KIF14: variants seen among roughly 807,000 people sequenced by gnomAD.
KIF14 encodes the protein kinesin family member 14, also known as kinesin-like protein KIF14.
In KIF14, 98 loss-of-function variants were observed where a neutral mutation model predicts 176.2. The observed-to-expected ratio is 0.56, with a 90% CI of 0.47 to 0.66. The LOEUF is 0.66. Among genes scored for constraint, KIF14 ranks in the 30% least tolerant of loss-of-function variants. KIF14 has a pLI of 0.00. For synonymous variants in KIF14, 566 were observed against 632.2 expected (o/e 0.90, Z 1.57); for missense variants, 1,751 against 1,920.4 (o/e 0.91, Z 1.65).
intron 2 of KIF14, among the ~76,000 whole-genome samples, chr1:200,616,242 A>C (rs1349469658): frequency 6.6e-6 from 1 of 152,028 alleles, no homozygotes; most frequent in Non-Finnish European, 1.5e-5. Context: ...TCCATCCCTG[A>C]CTCTGAGACT....
At chr1:200,578,896 C>T (rs551477619) in intron 21 of KIF14, among the ~76,000 whole-genome samples, 229 of 151,542 alleles carry the variant, frequency 1.5e-3, no homozygotes, top group African/African-American at 5.4e-3. Flanking sequence ...TCGAGACCAT[C>T]CTGGCTAACA....
chr1:200,609,087 T>TGCC (rs1211372445), intron 4 of KIF14, among the ~76,000 whole-genome samples, 159 bp from the exon 5 acceptor site: 1 of 152,148 alleles, frequency 6.6e-6, no homozygotes, highest in African/African-American at 2.4e-5. Context: ...ACAAAGGACT[T>TGCC]GAATAGACAT....
chr1:200,581,815 A>ATATAT (rs1291672371), intron 19 of KIF14, among the ~76,000 whole-genome samples: 2 of 120,586 alleles, frequency 1.7e-5, no homozygotes, highest in Non-Finnish European at 3.2e-5. Flanking sequence ...TGCCTAGGCT[A>ATATAT]TATAGTACAG....
intron 25 of KIF14, 25 bp downstream of exon 25, chr1:200,565,044 A>C: frequency 6.4e-7 from 1 of 1,558,116 alleles, no homozygotes; most frequent in South Asian, 1.1e-5. Flanking sequence ...GAATCCTTCA[A>C]ATGATAATAA....
chr1:200,607,624 C>CA (rs1286732138), intron 5 of KIF14, among the ~76,000 whole-genome samples: 1 of 152,062 alleles, frequency 6.6e-6, no homozygotes, highest in African/African-American at 2.4e-5. Context: ...ATCATAGAAG[C>CA]AAATGTCAAG....
intron 20 of KIF14, among the ~76,000 whole-genome samples, chr1:200,580,931 A>C (rs1658405450): frequency 6.6e-6 from 1 of 152,008 alleles, no homozygotes; most frequent in Non-Finnish European, 1.5e-5. Context: ...CAACGTGGTG[A>C]AACCCCATCT....
chr1:200,605,893 T>C lies in KIF14; in HGVS notation c.1609A>G (p.Asn537Asp). ...YGPYVEALSM[N>D]IVSSYADIQS... ...ATATCAGCGTAAGAACTGACAATGT[T>C]CCTATTTTTAAGAAGTGAAAAGACA... The change falls in exon 7 of 30, where the codon AAC (asparagine) becomes GAC (aspartate). Residue 537 changes from asparagine (N) to aspartate (D), a missense_variant and splice_region_variant. Transcript: ENST00000367350. 1 of 1,527,634 alleles carries C rather than the reference T, an allele frequency of 6.5e-7. No homozygotes were observed. Among genetic ancestry groups the C allele is most frequent in the Non-Finnish European group, 8.8e-7 (1 of 1,133,316 alleles). 94.6% of individuals were successfully genotyped at this position (1,527,634 alleles called of 1,614,324 possible). A position where few individuals can be genotyped will look rare whatever the true frequency, so the allele number is the denominator to read the frequency against.
At chr1:200,559,515 A>G in intron 26 of KIF14, 63 bp from the exon 27 acceptor site, 1 of 980,580 alleles carries the variant, frequency 1.0e-6, no homozygotes, top group Admixed American at 3.4e-5. Context: ...ATTTATTTAA[A>G]TTTAGGTTTT....
chr1:200,604,249 G>A (rs1659766163), intron 8 of KIF14, among the ~76,000 whole-genome samples: 1 of 151,844 alleles, frequency 6.6e-6, no homozygotes, highest in South Asian at 2.1e-4. Context: ...TTATTTTTTA[G>A]TACAGACAAG....
At chr1:200,605,029 C>T (rs943532154) in intron 8 of KIF14, among the ~76,000 whole-genome samples, 13 of 152,180 alleles carry the variant, frequency 8.5e-5, no homozygotes, top group East Asian at 3.9e-4. Context: ...GAAACTAAGG[C>T]ATATTTCCTA....
chr1:200,579,130 C>G (rs926823035), intron 21 of KIF14, among the ~76,000 whole-genome samples: 5 of 151,804 alleles, frequency 3.3e-5, no homozygotes, highest in African/African-American at 1.2e-4. Flanking sequence ...TGAACACATA[C>G]TTTACCCATA....
At chr1:200,577,118 T>C (rs1036132267) in intron 21 of KIF14, among the ~76,000 whole-genome samples, 4 of 145,084 alleles carry the variant, frequency 2.8e-5, no homozygotes, top group Non-Finnish European at 4.5e-5. Flanking sequence ...GAGATCAGCA[T>C]GGCCAACATG....
At chr1:200,569,882 C>T (rs929679181) in intron 23 of KIF14, 29 bp downstream of exon 23, 3 of 1,248,606 alleles carry the variant, frequency 2.4e-6, no homozygotes, top group African/African-American at 3.0e-5. Flanking sequence ...GCTTTTCTCG[C>T]CATAGAGAAA....
chr1:200,562,450 A>T (rs1350204245), intron 25 of KIF14, among the ~76,000 whole-genome samples: 2 of 152,246 alleles, frequency 1.3e-5, no homozygotes, highest in Non-Finnish European at 2.9e-5. Flanking sequence ...GAGAAACAGG[A>T]GACTCAAAAA....
rs779622552 is a variant in KIF14, at chr1:200,553,723, T to C, written c.4612A>G (p.Ile1538Val). 3.7e-6 allele frequency: 6 copies of C among 1,610,964 alleles called. No homozygotes were observed. Among genetic ancestry groups the C allele is most frequent in the Admixed American group, 3.3e-5 (2 of 59,848 alleles). Residue 1538 changes from isoleucine to valine, a missense_variant, in exon 30 of 30, where the codon ATT (isoleucine) becomes GTT (valine). Ile to Val is a conservative substitution (Grantham distance 29). Transcript: ENST00000367350. ...INLLQTCVESIRNLASDFYSD... is the reference protein window; with the variant it reads ...INLLQTCVESVRNLASDFYSD... ...TAAAAATCACTGGCCAAGTTGCGAA[T>C]ACTTTCAACACAAGTCTGGAGAAGA...
chr1:200,572,002 A>G (rs959074375), intron 22 of KIF14, among the ~76,000 whole-genome samples: 3 of 152,236 alleles, frequency 2.0e-5, no homozygotes, highest in African/African-American at 7.2e-5. Context: ...CGACTGTGGC[A>G]TATCATTGCC....
intron 23 of KIF14, among the ~76,000 whole-genome samples, chr1:200,566,592 CAA>C (rs35965593): frequency 3.7e-5 from 5 of 135,734 alleles, no homozygotes; most frequent in Admixed American, 7.3e-5. Flanking sequence ...GACTCTGTCT[CAA>C]AAAAAAAAAA....
intron 21 of KIF14, among the ~76,000 whole-genome samples, chr1:200,579,362 T>C (rs1299457884): frequency 7.2e-5 from 11 of 152,002 alleles, no homozygotes; most frequent in Non-Finnish European, 1.6e-4. Flanking sequence ...ATCCCAGCAC[T>C]TTGGGAAGCC....
chr1:200,615,600 A>C lies in KIF14; in HGVS notation c.1122T>G (p.Ile374Met). Residue 374 changes from isoleucine (I) to methionine (M), a missense_variant, in exon 3 of 30, where the codon ATT becomes ATG. Transcript: ENST00000367350. ...RVRPFTKREK[I>M]EKASQVVFMS... ...TGAAGACTACCTGGGATGCTTTTTC[A>C]ATCTTCTCTCTTGAAAGAAGCACAA... The C allele has an allele frequency of 6.2e-7, 1 of 1,608,588 alleles. No individual in the cohort carries two copies.
Sources: gnomAD v4.1 joint callset for allele counts (sites outside exome capture counted in the v4.1 genomes callset) on GRCh38, gnomAD v4.1.1 for gene constraint, MANE v1.5 for transcripts, NCBI Gene and HGNC (gene_info 2026-07-23, HGNC 2026-07-21) for gene names.